The following MINDY4B variants were observed in gnomAD, a reference collection of about 807,000 sequenced individuals.
MINDY4B encodes the protein inactive ubiquitin carboxyl-terminal hydrolase MINDY-4B.
Under a neutral mutation model 16.7 loss-of-function variants are expected in MINDY4B, and 25 were observed. That is an observed-to-expected ratio of 1.49 (90% confidence interval 1.09 to 2.09). The LOEUF (loss-of-function observed/expected upper bound fraction) is 2.09, where lower values mean the gene tolerates loss of function less well. MINDY4B is among the 30% of genes most tolerant of loss of function. MINDY4B has a pLI of 0.00. For missense variants in MINDY4B, 327 were observed against 168.4 expected (o/e 1.94, Z -5.21); for synonymous variants, 132 against 61.9 (o/e 2.13, Z -5.32).
intron 10 of MINDY4B, among the ~76,000 whole-genome samples, chr3:150,879,050 A>G (rs1711501485): frequency 6.6e-6 from 1 of 152,182 alleles, no homozygotes; most frequent in Non-Finnish European, 1.5e-5. Flanking sequence ...CAGCTGTTTA[A>G]TTTTAACTTA....
chr3:150,871,591 A>G lies in MINDY4B; in HGVS notation c.1241-404T>C, dbSNP rs183749802. Among the ~76,000 whole-genome samples the G allele has an allele frequency of 2.7e-4, 40 of 150,862 alleles. 1 individual carries two copies. Among genetic ancestry groups the G allele is most frequent in the East Asian group, 2.5e-3 (13 of 5,126 alleles). On this transcript the variant is annotated intron_variant, in intron 11 of 11. Transcript: ENST00000465419. ...AGGCCAGGCATGGTGGCTCACGCCT[A>G]TGGTCCCAGTACTTTGGGGGGCTGA...
At chr3:150,899,920 A>C (rs567991641) in intron 3 of MINDY4B, among the ~76,000 whole-genome samples, 2 of 152,158 alleles carry the variant, frequency 1.3e-5, no homozygotes, top group South Asian at 4.1e-4. Context: ...CATTCATTTG[A>C]GTCTCTCCAG....
chr3:150,902,967 T>C (rs1318965395), intron 3 of MINDY4B, among the ~76,000 whole-genome samples: 2 of 152,194 alleles, frequency 1.3e-5, no homozygotes, highest in African/African-American at 4.8e-5. Flanking sequence ...CCTTCTATAG[T>C]GAGTTATTTG....
chr3:150,900,731 C>T (rs201179818), intron 3 of MINDY4B, among the ~76,000 whole-genome samples: 3 of 151,960 alleles, frequency 2.0e-5, no homozygotes, highest in East Asian at 3.8e-4. Flanking sequence ...TAGCTTTTTC[C>T]AAAGGGAGAA....
intron 5 of MINDY4B, among the ~76,000 whole-genome samples, chr3:150,891,880 T>TG (rs1198517255): frequency 2.0e-5 from 3 of 151,802 alleles, no homozygotes; most frequent in African/African-American, 7.3e-5. Flanking sequence ...ACCTTGTGAC[T>TG]GGGGGGCTCA....
intron 3 of MINDY4B, 80 bp downstream of exon 3, chr3:150,903,169 G>GAGTATAT: frequency 2.5e-6 from 1 of 397,360 alleles, no homozygotes; most frequent in East Asian, 3.6e-5. Flanking sequence ...CTCTCACATG[G>GAGTATAT]CAGGAGATAA....
intron 11 of MINDY4B, among the ~76,000 whole-genome samples, chr3:150,871,853 C>A (rs935104652): frequency 1.3e-5 from 2 of 152,144 alleles, no homozygotes; most frequent in Non-Finnish European, 1.5e-5. Context: ...TCCAACCAAC[C>A]AACCAACCGA....
chr3:150,895,000 G>A (rs75358615), intron 3 of MINDY4B, among the ~76,000 whole-genome samples: 1,747 of 152,330 alleles, frequency 0.011, 44 homozygotes, highest in African/African-American at 0.04. Flanking sequence ...ACTTCTGACT[G>A]AAGTACTCAG....
chr3:150,890,813 T>C (rs551606707), intron 6 of MINDY4B, 125 bp downstream of exon 6: 2 of 606,778 alleles, frequency 3.3e-6, no homozygotes, highest in Non-Finnish European at 6.0e-6. Flanking sequence ...CCTGCCTCTT[T>C]GGAAGGCACC....
chr3:150,890,229 A>G (rs1275088568), intron 7 of MINDY4B, 91 bp downstream of exon 7: 1 of 410,084 alleles, frequency 2.4e-6, no homozygotes, highest in African/African-American at 2.1e-5. Flanking sequence ...TTTTCTTAAC[A>G]GGCATCATTA....
At chr3:150,883,169 A>G (rs1711549666) in intron 9 of MINDY4B, 111 bp from the exon 10 acceptor site, 3 of 577,470 alleles carry the variant, frequency 5.2e-6, no homozygotes, top group Non-Finnish European at 9.2e-6. Flanking sequence ...GAATGAAATC[A>G]CATGATACAT....
In MINDY4B at chr3:150,893,708, T is replaced by C. The variant is rs150791905; in HGVS notation, c.430-293A>G. Among the ~76,000 whole-genome samples, 81 of 14,340 alleles carry C rather than the reference T, an allele frequency of 5.6e-3. 1 individual carries two copies. The highest frequency in any genetic ancestry group is 0.011 in the South Asian group (2 of 174). The allele number at this position is 14,340 out of a possible 152,430, so 9.4% of individuals were successfully genotyped here. On this transcript the variant is annotated intron_variant, in intron 4 of 11. Transcript: ENST00000465419. ...AGTAGTTTTTTTTTGGGGGGGGGGG[T>C]GGGGTGCAGTCTTGCTCTGTCTCCC...
chr3:150,894,778 A>G (rs1441871919), intron 3 of MINDY4B, among the ~76,000 whole-genome samples: 1 of 152,238 alleles, frequency 6.6e-6, no homozygotes, highest in African/African-American at 2.4e-5. Context: ...TCCCAGAAAA[A>G]TGGGAACAAG....
chr3:150,880,586 T>C (rs1330737147), intron 10 of MINDY4B, among the ~76,000 whole-genome samples: 1 of 152,238 alleles, frequency 6.6e-6, no homozygotes, highest in Non-Finnish European at 1.5e-5. Flanking sequence ...ATAATAGTAG[T>C]GGTAGCACAG....
Position 150,890,983 on chromosome 3 carries a change from G to A in MINDY4B, c.642C>T (p.Tyr214=), listed in dbSNP as rs767091254. Reference sequence around the variant, plus strand: ...CAGAGTAGTCCGGAGTCGACGCAACGTAAATGTCCTCAGTGACAAGACAGA... The same window carrying A: ...CAGAGTAGTCCGGAGTCGACGCAACATAAATGTCCTCAGTGACAAGACAGA... The part of the protein sequence containing the change: ...ATICLVTEDI[Y]VASTPDYSVD... Residue 214 remains tyrosine (Y), a synonymous_variant, in exon 6 of 12, where the codon TAC becomes TAT. Transcript: ENST00000465419. 42 of 702,740 alleles carry A rather than the reference G, an allele frequency of 6.0e-5. No individual in the cohort carries two copies. The highest frequency in any genetic ancestry group is 1.6e-4 in the African/African-American group (9 of 57,270). 43.5% of individuals were successfully genotyped at this position (702,740 alleles called of 1,614,324 possible).
At chr3:150,883,116 A>AT (rs1343766960) in intron 9 of MINDY4B, 58 bp from the exon 10 acceptor site, 2 of 557,066 alleles carry the variant, frequency 3.6e-6, no homozygotes, top group South Asian at 2.3e-5. Flanking sequence ...CAATAACTTA[A>AT]TTTTTTCTCT....
chr3:150,888,294 C>T (rs1361942552), intron 7 of MINDY4B, among the ~76,000 whole-genome samples: 1 of 152,008 alleles, frequency 6.6e-6, no homozygotes, highest in Non-Finnish European at 1.5e-5. Context: ...TAAAAGATAC[C>T]AGCCACTGGA....
intron 11 of MINDY4B, among the ~76,000 whole-genome samples, chr3:150,871,887 A>G (rs1214913635): frequency 6.6e-6 from 1 of 152,182 alleles, no homozygotes; most frequent in Non-Finnish European, 1.5e-5. Flanking sequence ...TGCTTCTCAG[A>G]ATACATTTGC....
At chr3:150,892,520 C>T (rs1711843713) in intron 5 of MINDY4B, among the ~76,000 whole-genome samples, 1 of 152,160 alleles carries the variant, frequency 6.6e-6, no homozygotes, top group Admixed American at 6.5e-5. Context: ...TATATTTCCT[C>T]TAATATTTAG....
Sources: allele counts gnomAD v4.1 joint callset (sites outside exome capture counted in the v4.1 genomes callset), GRCh38; gene constraint gnomAD v4.1.1; transcripts MANE v1.5; gene names NCBI Gene and HGNC (gene_info 2026-07-23, HGNC 2026-07-21).